Variants in GAB1 observed in about 807,000 individuals in gnomAD.
The protein encoded by GAB1 is GRB2-associated-binding protein 1.
In GAB1, 19 loss-of-function variants were observed where a neutral mutation model predicts 66.5. The ratio of observed to expected loss-of-function variants is 0.29; its 90% CI spans 0.20 to 0.42. The LOEUF (loss-of-function observed/expected upper bound fraction) is 0.42, where lower values mean the gene tolerates loss of function less well. Among genes scored for constraint, GAB1 ranks in the 10% least tolerant of loss-of-function variants. The pLI is 1.00. For synonymous variants in GAB1, 294 were observed against 301.4 expected, an observed-to-expected ratio of 0.98 and a Z score of 0.25; for missense variants, 732 against 858.5, an observed-to-expected ratio of 0.85 and a Z score of 1.84.
At chr4:143,347,653 T>A (rs1483500257) in intron 1 of GAB1, among the ~76,000 whole-genome samples, 1 of 152,232 alleles carries the variant, frequency 6.6e-6, no homozygotes, top group Non-Finnish European at 1.5e-5. Flanking sequence ...TTGAGAGCTG[T>A]GTGCTGCTAG....
intron 1 of GAB1, among the ~76,000 whole-genome samples, chr4:143,338,913 C>T (rs1424337224): frequency 1.3e-5 from 2 of 152,070 alleles, no homozygotes; most frequent in Admixed American, 6.6e-5. Flanking sequence ...ACTCAAAAGA[C>T]GCCAGGCACT....
At chr4:143,397,995 C>T (rs1159449119) in intron 1 of GAB1, among the ~76,000 whole-genome samples, 1 of 152,168 alleles carries the variant, frequency 6.6e-6, no homozygotes, top group African/African-American at 2.4e-5. Flanking sequence ...CCTCATGCCT[C>T]CCATCTTCCG....
chr4:143,424,129 A>G (rs1733199816), intron 2 of GAB1, among the ~76,000 whole-genome samples: 1 of 152,174 alleles, frequency 6.6e-6, no homozygotes, highest in Non-Finnish European at 1.5e-5. Flanking sequence ...CTGTAAAAAC[A>G]ACCACCTGAA....
At chr4:143,431,132 A>C (rs1267695030) in intron 2 of GAB1, among the ~76,000 whole-genome samples, 2 of 152,208 alleles carry the variant, frequency 1.3e-5, no homozygotes, top group Non-Finnish European at 2.9e-5. Flanking sequence ...CAGGCAGAAG[A>C]AAATCCAGTA....
At chr4:143,372,836 A>G (rs145880612) in intron 1 of GAB1, among the ~76,000 whole-genome samples, 172 of 152,336 alleles carry the variant, frequency 1.1e-3, no homozygotes, top group African/African-American at 4.0e-3. Flanking sequence ...GGTTTTGCCA[A>G]CAGTTTCTCA....
intron 1 of GAB1, among the ~76,000 whole-genome samples, 190 bp from the exon 2 acceptor site, chr4:143,415,286 TA>T (rs1467095337): frequency 2.0e-5 from 3 of 152,198 alleles, no homozygotes; most frequent in African/African-American, 7.2e-5. Context: ...ATTATTAAGT[TA>T]ATTGAGTTAT....
intron 1 of GAB1, among the ~76,000 whole-genome samples, chr4:143,412,234 T>C (rs979704944): frequency 2.6e-5 from 4 of 152,170 alleles, no homozygotes; most frequent in African/African-American, 7.2e-5. Context: ...CAAAAGGACA[T>C]GTTCTGTGCT....
intron 2 of GAB1, chr4:143,425,411 G>T: frequency 1.3e-6 from 1 of 759,252 alleles, no homozygotes; most frequent in Non-Finnish European, 2.4e-6. Flanking sequence ...GCTTCTTGTG[G>T]TTACTGACCC....
intron 2 of GAB1, among the ~76,000 whole-genome samples, chr4:143,423,792 G>GTGTATATATATATA (rs1409168050): frequency 3.0e-5 from 2 of 67,734 alleles, no homozygotes; most frequent in Non-Finnish European, 5.7e-5. Flanking sequence ...AAAAAAAAGT[G>GTGTATATATATATA]TATATATATA....
At chr4:143,439,944 A>G in intron 5 of GAB1, 57 bp downstream of exon 5, 2 of 1,441,634 alleles carry the variant, frequency 1.4e-6, no homozygotes, top group Non-Finnish European at 2.0e-6. Context: ...AATCTTCATA[A>G]TTAGTGCCAT....
intron 6 of GAB1, among the ~76,000 whole-genome samples, chr4:143,444,513 A>G (rs773664385): frequency 2.6e-4 from 40 of 152,222 alleles, no homozygotes; most frequent in Non-Finnish European, 5.0e-4. Flanking sequence ...CTTTTGGCAC[A>G]GTGATGGATT....
chr4:143,396,426 G>T (rs1731458999), intron 1 of GAB1, among the ~76,000 whole-genome samples: 1 of 152,156 alleles, frequency 6.6e-6, no homozygotes, highest in Non-Finnish European at 1.5e-5. Context: ...GGAGAGATGG[G>T]GGGAAAGGAT....
intron 2 of GAB1, among the ~76,000 whole-genome samples, chr4:143,429,143 C>T (rs1398715656): frequency 6.6e-6 from 1 of 152,156 alleles, no homozygotes; most frequent in Non-Finnish European, 1.5e-5. Context: ...TACTCTATTG[C>T]CCAGGTGAGA....
intron 1 of GAB1, among the ~76,000 whole-genome samples, chr4:143,414,448 G>C (rs745761757): frequency 1.3e-5 from 2 of 152,138 alleles, no homozygotes; most frequent in African/African-American, 2.4e-5. Flanking sequence ...TTGTGGAGGG[G>C]GTATGTGGTG....
chr4:143,415,923 AATT>A (rs1190686193), intron 2 of GAB1, 152 bp downstream of exon 2: 37 of 665,094 alleles, frequency 5.6e-5, no homozygotes, highest in Non-Finnish European at 8.6e-5. Context: ...TGAATCCTTT[AATT>A]AGTTTGGGGA....
In GAB1 at chr4:143,439,849, G is replaced by T. The variant is rs1285997852; in HGVS notation, c.1243G>T (p.Asp415Tyr). 1 of 1,613,532 alleles carries T rather than the reference G, an allele frequency of 6.2e-7. No homozygotes were observed. ...TGATATTCCACGAGCATTTCCAAGT[G>T]ATAGATCTAGTTCACTTGAAGGCTT... is the stretch of plus-strand genomic sequence containing the variant. ...CYDIPRAFPSDRSSSLEGFHN... is the reference protein window; with the variant it reads ...CYDIPRAFPSYRSSSLEGFHN... The change falls in exon 5 of 10, where the codon GAT becomes TAT. Residue 415 changes from aspartate to tyrosine, a missense_variant. Physicochemically the swap from Asp to Tyr is radical, Grantham distance 160 (BLOSUM62 -3). Transcript: ENST00000262994.
intron 2 of GAB1, among the ~76,000 whole-genome samples, chr4:143,430,708 GC>G (rs1471377628): frequency 6.6e-6 from 1 of 152,126 alleles, no homozygotes; most frequent in Non-Finnish European, 1.5e-5. Flanking sequence ...TAAAACTTTT[GC>G]CATAGAGATT....
chr4:143,434,006 A>T (rs901073131), intron 3 of GAB1: 13 of 775,346 alleles, frequency 1.7e-5, no homozygotes, highest in Non-Finnish European at 2.3e-5. Flanking sequence ...TTTGTTACAG[A>T]CTCACAGTAT....
intron 1 of GAB1, among the ~76,000 whole-genome samples, chr4:143,361,148 C>T (rs934856282): frequency 6.6e-6 from 1 of 151,774 alleles, no homozygotes; most frequent in Non-Finnish European, 1.5e-5. Context: ...ATTTCTTTTG[C>T]AATACGCAAC....
Sources: allele counts gnomAD v4.1 joint callset (sites outside exome capture counted in the v4.1 genomes callset), GRCh38; gene constraint gnomAD v4.1.1; transcripts MANE v1.5; gene names NCBI Gene and HGNC (gene_info 2026-07-23, HGNC 2026-07-21).